The following MIB1 variants were observed in gnomAD, a reference collection of about 807,000 sequenced individuals.
MIB1 encodes E3 ubiquitin-protein ligase MIB1.
In MIB1, 278 loss-of-function variants were observed where a neutral mutation model predicts 124.5. The observed-to-expected ratio is 2.23, with a 90% CI of 2.02 to 2.47. The LOEUF (loss-of-function observed/expected upper bound fraction) is 2.47. Ranked by LOEUF, MIB1 falls within the 30% of genes most tolerant of loss-of-function variation. The pLI, the probability that MIB1 is intolerant of heterozygous loss-of-function variation, is 0.00. For missense variants in MIB1, 957 were observed against 1,254.4 expected (o/e 0.76, Z 3.58); for synonymous variants, 446 against 429.4 (o/e 1.04, Z -0.48).
chr18:21,801,811 C>A (rs1398671477), intron 9 of MIB1, among the ~76,000 whole-genome samples: 1 of 151,914 alleles, frequency 6.6e-6, no homozygotes, highest in Non-Finnish European at 1.5e-5. Flanking sequence ...TTCTCTTAGG[C>A]CTTCTGATAA....
intron 1 of MIB1, among the ~76,000 whole-genome samples, chr18:21,706,978 TGAGTCTAGTGGGGACTTG>T (rs1423690683): frequency 6.6e-6 from 1 of 152,238 alleles, no homozygotes; most frequent in Non-Finnish European, 1.5e-5. Flanking sequence ...GCTGGGCTCC[TGAGTCTAGTGGGGACTTG>T]GAGAACCTTT....
intron 12 of MIB1, among the ~76,000 whole-genome samples, chr18:21,823,417 G>GAAAGA (rs1023000352): frequency 1.3e-5 from 2 of 148,674 alleles, no homozygotes; most frequent in East Asian, 2.0e-4. Flanking sequence ...AAAAAAAAAA[G>GAAAGA]AAAGAAAAGA....
chr18:21,814,532 A>C (rs1233250806), intron 10 of MIB1, among the ~76,000 whole-genome samples: 1 of 152,082 alleles, frequency 6.6e-6, no homozygotes, highest in Non-Finnish European at 1.5e-5. Flanking sequence ...GCAGTGAGCT[A>C]TGACTGCCAC....
rs561193534 is a variant in MIB1, at chr18:21,716,808, C to T, written n.167+11685C>T. 4.6e-5 allele frequency among the ~76,000 whole-genome samples: 7 copies of T among 151,988 alleles called. No homozygotes were observed. In the South Asian group the frequency reaches 8.3e-4, roughly 18 times the overall value. On this transcript the variant is annotated intron_variant and non_coding_transcript_variant, in intron 1 of 20. Coordinates refer to the MIB1 transcript ENST00000578646. ...TGGAGCTTGCAGTGAGCCAAGATGGCGCCACTGCACTCCAGCCTGGGGGAC... is the reference window on the plus strand; with the variant it reads ...TGGAGCTTGCAGTGAGCCAAGATGGTGCCACTGCACTCCAGCCTGGGGGAC...
Position 21,838,483 on chromosome 18 carries a change from CTGTTGGTACA to C in MIB1, c.1950_1959del (p.Leu651ArgfsTer11). 6.2e-7 allele frequency: 1 copy of C among 1,602,032 alleles called. No individual in the cohort carries two copies. The highest frequency in any genetic ancestry group is 8.5e-7 in the Non-Finnish European group (1 of 1,175,396). On this transcript the variant is annotated frameshift_variant, in exon 13 of 21. Coordinates refer to ENST00000261537, the MANE Select transcript of MIB1 (RefSeq NM_020774.4). LOFTEE classifies it high-confidence loss of function. ...TAATAATCACGTAGAAGTGGCTGAACTGTTGGTACATCAGGTAAGAAAAGAGTTAAATAAT... is the reference window on the plus strand; with the variant it reads ...TAATAATCACGTAGAAGTGGCTGAACTCAGGTAAGAAAAGAGTTAAATAAT...
rs760567556 is a variant in MIB1, at chr18:21,740,981, CTG to C, written c.-600_-599del. 6.6e-5 allele frequency among the ~76,000 whole-genome samples: 10 copies of C among 152,192 alleles called. No individual in the cohort carries two copies. In the East Asian group the frequency reaches 7.7e-4, roughly 12 times the overall value. ...GAGTCGCTCTCGCCCGGCTGGGACT[CTG>C]TGGCGGGGCGGAGCGCGGCGGCTGG... On this transcript the variant is annotated 5_prime_UTR_variant, in exon 1 of 21. It removes the in-frame stop codon of an upstream open reading frame in the 5' UTR. Coordinates refer to ENST00000261537, the MANE Select transcript of MIB1 (RefSeq NM_020774.4).
chr18:21,750,180 A>C (rs769056740), intron 1 of MIB1, among the ~76,000 whole-genome samples: 9 of 152,042 alleles, frequency 5.9e-5, no homozygotes, highest in Admixed American at 5.9e-4. Flanking sequence ...CCCAGGCTGG[A>C]GTGCAATGGC....
chr18:21,858,643 GC>G lies in MIB1; in HGVS notation c.2878del (p.Gln960ArgfsTer8). ...LQQQLQDIKE[Q>X]TMCPVCLDRL... ...AGCAACAGTTACAAGACATTAAAGA[GC>G]AGGTAATAATGATTTCATGTAAACA... is the stretch of plus-strand genomic sequence containing the variant. On this transcript the variant is annotated frameshift_variant and splice_region_variant, in exon 20 of 21. Coordinates refer to ENST00000261537, the MANE Select transcript of MIB1 (RefSeq NM_020774.4). LOFTEE classifies it high-confidence loss of function. 1 of 1,517,268 alleles carries G rather than the reference GC, an allele frequency of 6.6e-7. No homozygotes were observed. 94.0% of individuals were successfully genotyped at this position (1,517,268 alleles called of 1,614,324 possible). A position where few individuals can be genotyped will look rare whatever the true frequency, so the allele number is the denominator to read the frequency against.
At chr18:21,752,573 A>G (rs1031467323) in intron 1 of MIB1, among the ~76,000 whole-genome samples, 9 of 152,222 alleles carry the variant, frequency 5.9e-5, no homozygotes, top group African/African-American at 1.9e-4. Context: ...TACACATGAA[A>G]CAAAAGATAT....
chr18:21,859,785 T>C (rs2042258641), intron 20 of MIB1, among the ~76,000 whole-genome samples: 1 of 142,036 alleles, frequency 7.0e-6, no homozygotes, highest in Admixed American at 7.6e-5. Flanking sequence ...GCTACTCTGG[T>C]GGCTGAGTCA....
intron 9 of MIB1, among the ~76,000 whole-genome samples, chr18:21,800,742 A>G (rs549320730): frequency 6.6e-6 from 1 of 152,228 alleles, no homozygotes; most frequent in African/African-American, 2.4e-5. Context: ...GATGAGATCT[A>G]TAATTGTAAA....
At chr18:21,713,349 C>G (rs902460304) in intron 1 of MIB1, among the ~76,000 whole-genome samples, 1 of 145,460 alleles carries the variant, frequency 6.9e-6, no homozygotes, top group African/African-American at 2.6e-5. Context: ...CGGTGGCTCA[C>G]GCCTATAATC....
intron 1 of MIB1, among the ~76,000 whole-genome samples, chr18:21,723,668 A>G (rs2040724861): frequency 1.3e-5 from 2 of 152,014 alleles, no homozygotes; most frequent in South Asian, 4.2e-4. Context: ...GGCACCCGCC[A>G]CCACGCCCAG....
chr18:21,819,748 TATTTTAAATC>T (rs1312467371), intron 12 of MIB1, 102 bp downstream of exon 12: 1 of 811,168 alleles, frequency 1.2e-6, no homozygotes, highest in Admixed American at 3.5e-5. Context: ...GCTATTTTAG[TATTTTAAATC>T]ATTTTAAAGT....
chr18:21,804,047 A>G (rs1319561595), intron 10 of MIB1, 33 bp downstream of exon 10: 3 of 1,436,098 alleles, frequency 2.1e-6, no homozygotes, highest in Admixed American at 1.7e-5. Flanking sequence ...TTAAGTAAAC[A>G]TTTATTTCCT....
At chr18:21,859,886 C>CAA (rs934260189) in intron 20 of MIB1, among the ~76,000 whole-genome samples, 411 of 28,240 alleles carry the variant, frequency 0.015, 5 homozygotes, top group East Asian at 0.029. Context: ...GAGACTGTCT[C>CAA]AAAAAAAAAA....
rs1351135839 is a variant in MIB1 at position 21,817,649 on chromosome 18, A to AT, written c.1678-1840dup. The AT allele has an allele frequency of 3.1e-5, 13 of 426,204 alleles. No homozygotes were observed. The East Asian group carries it at 5.9e-4, about 19-fold the overall frequency. The allele number at this position is 426,204 out of a possible 1,614,324, so 26.4% of individuals were successfully genotyped here. On this transcript the variant is annotated intron_variant, in intron 11 of 20. Transcript: ENST00000261537. ...CCAATGTGTAATATCCTGGGATATC[A>AT]TTTTTTCTAGGCTTTGTCCACATGG...
At chr18:21,837,029 T>C (rs1220956182) in intron 12 of MIB1, among the ~76,000 whole-genome samples, 1 of 152,202 alleles carries the variant, frequency 6.6e-6, no homozygotes, top group Non-Finnish European at 1.5e-5. Flanking sequence ...TTTAGGAGTT[T>C]GTAGACTCAC....
chr18:21,721,561 G>A (rs2040716181), intron 1 of MIB1, among the ~76,000 whole-genome samples: 1 of 152,048 alleles, frequency 6.6e-6, no homozygotes, highest in South Asian at 2.1e-4. Context: ...GGGGAGAGGA[G>A]GGAGAGATGT....
Sources: gnomAD v4.1 joint callset for allele counts (sites outside exome capture counted in the v4.1 genomes callset) on GRCh38, gnomAD v4.1.1 for gene constraint, MANE v1.5 for transcripts, NCBI Gene and HGNC (gene_info 2026-07-23, HGNC 2026-07-21) for gene names.